Variants in ZMYM2 observed in about 807,000 individuals in gnomAD.
ZMYM2 encodes the protein zinc finger MYM-type protein 2.
A neutral mutation model predicts 162.8 loss-of-function variants in ZMYM2; 56 were observed. That is an observed-to-expected ratio of 0.34 (90% CI 0.28 to 0.43). The LOEUF (loss-of-function observed/expected upper bound fraction) is 0.43. ZMYM2 is among the 20% of genes least tolerant of loss of function. The pLI, the probability that ZMYM2 is intolerant of heterozygous loss-of-function variation, is 1.00. For synonymous variants in ZMYM2, 510 were observed against 541.6 expected (o/e 0.94, Z 0.81); for missense variants, 1,275 against 1,621.8 (o/e 0.79, Z 3.67).
At chr13:19,930,754 G>A in the ZMYM2 span, among the ~76,000 whole-genome samples, 7 of 151,532 alleles carry the variant, frequency 4.6e-5, no homozygotes, top group South Asian at 1.0e-3. Flanking sequence ...GGCCAGGCTG[G>A]TCTCGAACTC....
chr13:20,069,661 G>A lies in ZMYM2; in HGVS notation c.3453+2271G>A, dbSNP rs116272098. Among the ~76,000 whole-genome samples, 334 of 151,830 alleles carry A rather than the reference G, an allele frequency of 2.2e-3. 3 individuals are homozygous for A. Among genetic ancestry groups the A allele is most frequent in the African/African-American group, 7.6e-3 (313 of 41,450 alleles). ...GACATTAAACCAGCCTAGCATTCTT[G>A]GGATAGACTCCAATTGATAATGTTA... On this transcript the variant is annotated intron_variant, in intron 21 of 24. Coordinates refer to ENST00000610343, the MANE Select transcript of ZMYM2 (RefSeq NM_197968.4).
chr13:20,029,638 G>A (rs9509008), intron 9 of ZMYM2, among the ~76,000 whole-genome samples: 104,544 of 152,052 alleles, frequency 0.69, 41,164 homozygotes, highest in Non-Finnish European at 0.86. Flanking sequence ...ACATTGAATG[G>A]CTAATTTTTA....
intron 23 of ZMYM2, among the ~76,000 whole-genome samples, 180 bp downstream of exon 23, chr13:20,083,212 G>A (rs747445451): frequency 4.7e-4 from 71 of 152,210 alleles, no homozygotes; most frequent in African/African-American, 1.6e-3. Flanking sequence ...ACAGGCAGGC[G>A]CCACCATGCC....
intron 12 of ZMYM2, among the ~76,000 whole-genome samples, chr13:20,040,340 G>T (rs1263992287): frequency 6.6e-6 from 1 of 152,010 alleles, no homozygotes; most frequent in Non-Finnish European, 1.5e-5. Context: ...CCAGGAATTT[G>T]TCCATTTCTT....
At chr13:20,059,319 A>G in intron 15 of ZMYM2, 128 bp from the exon 16 acceptor site, 1 of 899,504 alleles carries the variant, frequency 1.1e-6, no homozygotes, top group Non-Finnish European at 1.5e-6. Flanking sequence ...TAACTTAAAA[A>G]AACTGGGAAT....
the ZMYM2 span, among the ~76,000 whole-genome samples, chr13:19,909,078 A>G: frequency 6.6e-6 from 1 of 152,312 alleles, no homozygotes; most frequent in South Asian, 2.1e-4. Flanking sequence ...ATGGATTTTA[A>G]CGTTCGTTTT....
At chr13:19,912,470 C>G in the ZMYM2 span, among the ~76,000 whole-genome samples, 1 of 151,852 alleles carries the variant, frequency 6.6e-6, no homozygotes, top group Non-Finnish European at 1.5e-5. Flanking sequence ...GTAGCTGGGA[C>G]TACAGGTGTT....
At chr13:19,979,162 T>C (rs1225621983) in intron 2 of ZMYM2, among the ~76,000 whole-genome samples, 1 of 152,040 alleles carries the variant, frequency 6.6e-6, no homozygotes, top group East Asian at 1.9e-4. Context: ...ACCAGATGAG[T>C]CTCTTCTTTT....
chr13:19,868,098 A>G, the ZMYM2 span, among the ~76,000 whole-genome samples: 3 of 152,124 alleles, frequency 2.0e-5, no homozygotes, highest in African/African-American at 7.2e-5. Context: ...TAAAACCCCC[A>G]ACCTTCTCTT....
the ZMYM2 span, among the ~76,000 whole-genome samples, chr13:19,947,477 T>C: frequency 6.6e-6 from 1 of 150,578 alleles, no homozygotes; most frequent in Non-Finnish European, 1.5e-5. Flanking sequence ...CTTTTTTCCT[T>C]GAGACAGAGT....
rs186551101 is a variant in ZMYM2 at position 20,054,937 on chromosome 13, A to G, written c.2493+2626A>G. The stretch of plus-strand genomic sequence containing the variant: ...ACGTCACACAGCAGTGGCTTTAAGT[A>G]TAGTTGACCCTTGAACAACATGGAT... On this transcript the variant is annotated intron_variant, in intron 14 of 24. Coordinates refer to ENST00000610343, the MANE Select transcript of ZMYM2 (RefSeq NM_197968.4). Among the ~76,000 whole-genome samples the G allele has an allele frequency of 1.9e-3, 291 of 151,948 alleles. 1 individual carries two copies. Among genetic ancestry groups the G allele is most frequent in the Non-Finnish European group, 3.4e-3 (230 of 67,996 alleles).
chr13:20,011,908 C>T (rs1951227005), intron 6 of ZMYM2, among the ~76,000 whole-genome samples: 1 of 151,986 alleles, frequency 6.6e-6, no homozygotes, highest in Non-Finnish European at 1.5e-5. Context: ...ACCACCATGC[C>T]CAGCTATTTT....
intron 18 of ZMYM2, among the ~76,000 whole-genome samples, chr13:20,063,880 A>ATT (rs1956453894): frequency 1.1e-4 from 1 of 9,042 alleles, no homozygotes; most frequent in South Asian, 4.7e-3. Context: ...AATATATACA[A>ATT]TATATAATAT....
chr13:20,008,322 G>C (rs891566206), intron 6 of ZMYM2, among the ~76,000 whole-genome samples: 3 of 152,050 alleles, frequency 2.0e-5, no homozygotes, highest in African/African-American at 7.2e-5. Flanking sequence ...GTAGCGATTG[G>C]GTTTCACCAT....
chr13:20,073,696 A>C (rs976578690), intron 21 of ZMYM2, among the ~76,000 whole-genome samples: 1 of 152,194 alleles, frequency 6.6e-6, no homozygotes, highest in Non-Finnish European at 1.5e-5. Flanking sequence ...AAATGCTATC[A>C]CAGGAAGTTG....
chr13:19,965,167 T>C, intron 2 of ZMYM2: 6 of 1,060,672 alleles, frequency 5.7e-6, no homozygotes, highest in Non-Finnish European at 7.4e-6. Flanking sequence ...GACAGAATAA[T>C]GTTTGTAAAA....
At chr13:19,969,981 C>T in intron 2 of ZMYM2, 1 of 935,548 alleles carries the variant, frequency 1.1e-6, no homozygotes. Context: ...TATTGGATCT[C>T]TGGTCTCATT....
intron 17 of ZMYM2, among the ~76,000 whole-genome samples, chr13:20,062,396 C>G (rs1956299338): frequency 6.6e-6 from 1 of 152,168 alleles, no homozygotes; most frequent in Non-Finnish European, 1.5e-5. Context: ...AACACAAAAA[C>G]ACTTGAAAGC....
chr13:20,000,015 C>T (rs1399811902), intron 3 of ZMYM2, among the ~76,000 whole-genome samples: 1 of 152,114 alleles, frequency 6.6e-6, no homozygotes, highest in African/African-American at 2.4e-5. Flanking sequence ...GTTGCCCAGG[C>T]TGCTCTCAAA....
Sources: gnomAD v4.1 joint callset for allele counts (sites outside exome capture counted in the v4.1 genomes callset) on GRCh38, gnomAD v4.1.1 for gene constraint, MANE v1.5 for transcripts, NCBI Gene and HGNC (gene_info 2026-07-23, HGNC 2026-07-21) for gene names.